The following TBCA variants were observed in gnomAD, a reference collection of about 807,000 sequenced individuals.
TBCA encodes tubulin folding cofactor A.
In TBCA, 6 loss-of-function variants were observed where a neutral mutation model predicts 15.8. The ratio of observed to expected loss-of-function variants is 0.38; its 90% CI spans 0.21 to 0.75. The LOEUF is 0.75. TBCA is among the 30% of genes least tolerant of loss of function. The probability of loss-of-function intolerance (pLI) is 0.46; values close to 1 mark genes in which losing one functional copy is unlikely to be tolerated. For missense variants in TBCA, 90 were observed against 131.2 expected (o/e 0.69, Z 1.53); for synonymous variants, 32 against 42.3 (o/e 0.76, Z 0.94).
chr5:77,703,018 T>A (rs1387351910), intron 2 of TBCA, among the ~76,000 whole-genome samples: 2 of 152,320 alleles, frequency 1.3e-5, no homozygotes, highest in East Asian at 3.9e-4. Flanking sequence ...ATATATTTAA[T>A]GAAAAACATT....
At chr5:77,737,272 A>G (rs974302191) in intron 1 of TBCA, among the ~76,000 whole-genome samples, 10 of 152,218 alleles carry the variant, frequency 6.6e-5, no homozygotes, top group African/African-American at 2.4e-4. Context: ...GTTTAAAAAA[A>G]CAAAACAAAA....
At chr5:77,775,307 A>G (rs1747995529) in intron 1 of TBCA, among the ~76,000 whole-genome samples, 1 of 152,210 alleles carries the variant, frequency 6.6e-6, no homozygotes, top group Non-Finnish European at 1.5e-5. Flanking sequence ...AAGCTGATCA[A>G]AGACTCAAAA....
chr5:77,763,170 G>A (rs922440086), intron 1 of TBCA, among the ~76,000 whole-genome samples: 6 of 152,128 alleles, frequency 3.9e-5, no homozygotes, highest in African/African-American at 1.4e-4. Context: ...CGTGAACCCG[G>A]GAGGCGGAGC....
chr5:77,755,347 G>C (rs998962985), intron 1 of TBCA, among the ~76,000 whole-genome samples: 24 of 152,250 alleles, frequency 1.6e-4, no homozygotes, highest in African/African-American at 4.3e-4. Context: ...GGGAGGCCAA[G>C]GTGAGCAGAT....
At chr5:77,704,670 G>A (rs1227944096) in intron 2 of TBCA, among the ~76,000 whole-genome samples, 1 of 148,240 alleles carries the variant, frequency 6.7e-6, no homozygotes, top group Non-Finnish European at 1.5e-5. Context: ...AACACCCATT[G>A]TATATGATAA....
chr5:77,702,999 A>G (rs887627179), intron 2 of TBCA, among the ~76,000 whole-genome samples: 1 of 152,174 alleles, frequency 6.6e-6, no homozygotes, highest in Non-Finnish European at 1.5e-5. Context: ...AAGCCTCCTA[A>G]TATTTTCCAT....
chr5:77,705,367 T>C (rs1443842233), intron 2 of TBCA, among the ~76,000 whole-genome samples: 1 of 152,178 alleles, frequency 6.6e-6, no homozygotes, highest in Non-Finnish European at 1.5e-5. Context: ...AAGAAGGACC[T>C]GGATGAAATA....
At chr5:77,737,594 T>A (rs1247196282) in intron 1 of TBCA, among the ~76,000 whole-genome samples, 2 of 152,164 alleles carry the variant, frequency 1.3e-5, no homozygotes, top group Non-Finnish European at 2.9e-5. Context: ...CATCGTTTTA[T>A]AAAATGAGGA....
chr5:77,727,067 T>C (rs1746644517), intron 1 of TBCA, among the ~76,000 whole-genome samples: 1 of 152,016 alleles, frequency 6.6e-6, no homozygotes. Flanking sequence ...TTAAGTCTCA[T>C]GATTTTTTAA....
In TBCA at chr5:77,763,658, G is replaced by A. The variant is rs189552101; in HGVS notation, c.53+12547C>T. On this transcript the variant is annotated intron_variant, in intron 1 of 3. Coordinates refer to ENST00000380377, the MANE Select transcript of TBCA (RefSeq NM_004607.3). ...TCCAGATCTCTTCCCACCACTCGAG[G>A]ATACAATGAGAAGACAGCAGTCCTC... 8.5e-5 allele frequency among the ~76,000 whole-genome samples: 13 copies of A among 152,210 alleles called. No homozygotes were observed. The East Asian group carries it at 1.9e-3, about 23-fold the overall frequency.
At chr5:77,728,767 T>C (rs1046323790) in intron 1 of TBCA, among the ~76,000 whole-genome samples, 2 of 151,656 alleles carry the variant, frequency 1.3e-5, no homozygotes, top group Non-Finnish European at 2.9e-5. Flanking sequence ...CTACGTCAGG[T>C]TGGAACATAA....
intron 1 of TBCA, 149 bp downstream of exon 1, chr5:77,776,056 C>T: frequency 1.1e-6 from 1 of 947,452 alleles, no homozygotes. Context: ...CGCTGGGTCC[C>T]TGCCAGTCCC....
rs1379436091 is a variant in TBCA, at chr5:77,740,756, C to T, written c.54-32409G>A. Among the ~76,000 whole-genome samples, 3 of 152,102 alleles carry T rather than the reference C, an allele frequency of 2.0e-5. No homozygotes were observed. The East Asian group carries it at 5.8e-4, about 29-fold the overall frequency. ...CTGAGGTCATGAGTGGGCAATATTG[C>T]TCATTGGAGTGCTGATGGAGTAAAA... On this transcript the variant is annotated intron_variant, in intron 1 of 3. Transcript: ENST00000380377.
At chr5:77,755,673 T>A (rs1412239302) in intron 1 of TBCA, among the ~76,000 whole-genome samples, 1 of 152,050 alleles carries the variant, frequency 6.6e-6, no homozygotes, top group Non-Finnish European at 1.5e-5. Context: ...TGGCATGCTC[T>A]TCCATTTATA....
chr5:77,705,534 A>T (rs1358298773), intron 2 of TBCA: 2 of 398,494 alleles, frequency 5.0e-6, no homozygotes, highest in Non-Finnish European at 8.8e-6. Flanking sequence ...TTAGTTCATA[A>T]AGGCGGACAA....
At chr5:77,703,870 C>G (rs1746080443) in intron 2 of TBCA, among the ~76,000 whole-genome samples, 1 of 152,056 alleles carries the variant, frequency 6.6e-6, no homozygotes, top group Admixed American at 6.6e-5. Context: ...TAGGGAGGGA[C>G]CTGGTGGGAG....
intron 3 of TBCA, chr5:77,692,055 T>C: frequency 1.0e-6 from 1 of 985,294 alleles, no homozygotes; most frequent in South Asian, 4.7e-5. Flanking sequence ...TATTTAAAGA[T>C]TGAGTTTTTC....
At chr5:77,739,101 T>G (rs1746974999) in intron 1 of TBCA, among the ~76,000 whole-genome samples, 1 of 152,232 alleles carries the variant, frequency 6.6e-6, no homozygotes, top group Non-Finnish European at 1.5e-5. Context: ...TATATGTATA[T>G]GTATTAGTGT....
At chr5:77,727,318 T>C (rs1031817868) in intron 1 of TBCA, among the ~76,000 whole-genome samples, 1 of 151,250 alleles carries the variant, frequency 6.6e-6, no homozygotes, top group Non-Finnish European at 1.5e-5. Flanking sequence ...GAGCTACAAC[T>C]GAAATCCAGA....
Sources: gnomAD v4.1 joint callset for allele counts (sites outside exome capture counted in the v4.1 genomes callset) on GRCh38, gnomAD v4.1.1 for gene constraint, MANE v1.5 for transcripts, NCBI Gene and HGNC (gene_info 2026-07-23, HGNC 2026-07-21) for gene names.